The following FBXO22 variants were observed in gnomAD, a reference collection of about 807,000 sequenced individuals.
The protein encoded by FBXO22 is F-box only protein 22.
A neutral mutation model predicts 37.2 loss-of-function variants in FBXO22; 13 were observed. That is an observed-to-expected ratio of 0.35 (90% confidence interval 0.23 to 0.56). The LOEUF (loss-of-function observed/expected upper bound fraction) is 0.56. Ranked by LOEUF, FBXO22 falls within the 20% of genes least tolerant of loss-of-function variation. FBXO22 has a pLI of 0.87. For synonymous variants in FBXO22, 189 were observed against 189.1 expected (o/e 1.00, Z 0.00); for missense variants, 446 against 509.9 (o/e 0.87, Z 1.21).
chr15:75,930,244 T>G (rs1386426459), intron 6 of FBXO22, 195 bp downstream of exon 6: 10 of 1,432,368 alleles, frequency 7.0e-6, no homozygotes, highest in Admixed American at 2.9e-5. Flanking sequence ...TACATTTTTA[T>G]ATATATTGTC....
At chr15:75,926,649 G>A (rs998550736) in intron 5 of FBXO22, among the ~76,000 whole-genome samples, 7 of 152,164 alleles carry the variant, frequency 4.6e-5, no homozygotes, top group East Asian at 1.9e-4. Flanking sequence ...GGTTGAGGGC[G>A]TATCCGGGAA....
chr15:75,913,424 A>G, intron 3 of FBXO22, 134 bp downstream of exon 3: 1 of 567,724 alleles, frequency 1.8e-6, no homozygotes, highest in Middle Eastern at 4.8e-4. Context: ...GTATGCATCA[A>G]TATATCTATC....
chr15:75,921,386 GCA>G (rs1433010061), intron 5 of FBXO22, among the ~76,000 whole-genome samples: 1 of 152,132 alleles, frequency 6.6e-6, no homozygotes, highest in East Asian at 1.9e-4. Context: ...GTTTGGCCGG[GCA>G]CAGTGGCTCA....
At chr15:75,929,529 T>C (rs150766833) in intron 5 of FBXO22, among the ~76,000 whole-genome samples, 1,606 of 150,586 alleles carry the variant, frequency 0.011, 56 homozygotes, top group East Asian at 0.067. Context: ...TTTTTTTTTG[T>C]TCCCTACTGA....
rs1471912446 is a variant in FBXO22 at position 75,937,518 on chromosome 15, A to T, written c.*4416A>T. The stretch of plus-strand genomic sequence containing the variant: ...AGCAAGACTCTGTCTCAAAAAAAAA[A>T]AAAAAAAAAAAAAAGCAACTGTCTG... On this transcript the variant is annotated 3_prime_UTR_variant, in exon 7 of 7. Transcript: ENST00000308275. The T allele has an allele frequency of 1.0e-5, 1 of 99,026 alleles. No homozygotes were observed. Among genetic ancestry groups the T allele is most frequent in the African/African-American group, 4.5e-5 (1 of 22,216 alleles). The allele number at this position is 99,026 out of a possible 1,614,324, so 6.1% of individuals were successfully genotyped here.
At chr15:75,922,794 G>A (rs1900355477) in intron 5 of FBXO22, among the ~76,000 whole-genome samples, 1 of 152,140 alleles carries the variant, frequency 6.6e-6, no homozygotes, top group African/African-American at 2.4e-5. Flanking sequence ...GAGGACTAGG[G>A]AATGAATTGG....
At position 75,936,401 on chromosome 15, in the gene FBXO22, T is replaced by G. The variant is rs2030337051; in HGVS notation, c.*3299T>G. The G allele has an allele frequency of 6.6e-6, 1 of 152,204 alleles. No homozygotes were observed. The highest frequency in any genetic ancestry group is 1.5e-5 in the Non-Finnish European group (1 of 68,038). The allele number at this position is 152,204 out of a possible 1,614,324, so 9.4% of individuals were successfully genotyped here. A position where few individuals can be genotyped will look rare whatever the true frequency, so the allele number is the denominator to read the frequency against. On this transcript the variant is annotated 3_prime_UTR_variant, in exon 7 of 7. Transcript: ENST00000308275. ...AAGAATGTGATACCAGAAAGTTACT[T>G]TAATATTGACCCTATATAGGGAAGA...
chr15:75,932,969 A>G lies in FBXO22; in HGVS notation c.1079A>G (p.Asn360Ser). ...PSVPLFGFFG[N>S]GEIGCDRIVT... ...GTTCCCTTATTCGGCTTCTTTGGAA[A>G]TGGAGAAATTGGATGTGATCGGATA... is the stretch of plus-strand genomic sequence containing the variant. The change falls in exon 7 of 7, where the codon AAT becomes AGT. Residue 360 changes from asparagine (N) to serine (S), a missense_variant. By Grantham distance (46) the Asn-to-Ser change is conservative (BLOSUM62 1). Around this residue, in one of 2 missense-constraint regions of FBXO22, gnomAD observed 315 missense variants for 410.1 expected, o/e 0.77. Coordinates refer to ENST00000308275, the MANE Select transcript of FBXO22 (RefSeq NM_147188.3). 6.2e-7 allele frequency: 1 copy of G among 1,614,224 alleles called. No homozygotes were observed. Among genetic ancestry groups the G allele is most frequent in the South Asian group, 1.1e-5 (1 of 91,080 alleles).
intron 5 of FBXO22, among the ~76,000 whole-genome samples, chr15:75,918,321 GAA>G (rs1159069812): frequency 7.0e-4 from 97 of 139,460 alleles, no homozygotes; most frequent in African/African-American, 2.4e-3. Context: ...TGACAATGTG[GAA>G]AAAAAAAAAA....
chr15:75,904,264 C>T, intron 1 of FBXO22, 161 bp downstream of exon 1: 1 of 1,159,672 alleles, frequency 8.6e-7, no homozygotes, highest in Non-Finnish European at 1.2e-6. Context: ...TATCTCCCAG[C>T]CGTGGTGCCC....
Position 75,940,113 on chromosome 15 carries a change from A to G in FBXO22, c.*7011A>G, listed in dbSNP as rs1204359917. 8.7e-6 allele frequency: 1 copy of G among 115,544 alleles called. No individual in the cohort carries two copies. The highest frequency in any genetic ancestry group is 1.9e-5 in the Non-Finnish European group (1 of 51,480). 7.2% of individuals were successfully genotyped at this position (115,544 alleles called of 1,614,324 possible). ...TAGACAACCCGAAAGATTCCACACCAAAAAAAAAAAATAACTGTTAATTCA... is the reference window on the plus strand; with the variant it reads ...TAGACAACCCGAAAGATTCCACACCGAAAAAAAAAAATAACTGTTAATTCA... On this transcript the variant is annotated 3_prime_UTR_variant, in exon 7 of 7. Transcript: ENST00000308275.
Position 75,939,621 on chromosome 15 carries a change from C to T in FBXO22, c.*6519C>T, listed in dbSNP as rs1305586160. 1 of 152,096 alleles carries T rather than the reference C, an allele frequency of 6.6e-6. No homozygotes were observed. Among genetic ancestry groups the T allele is most frequent in the Non-Finnish European group, 1.5e-5 (1 of 67,986 alleles). 9.4% of individuals were successfully genotyped at this position (152,096 alleles called of 1,614,324 possible). A position where few individuals can be genotyped will look rare whatever the true frequency, so the allele number is the denominator to read the frequency against. On this transcript the variant is annotated 3_prime_UTR_variant, in exon 7 of 7. Coordinates refer to ENST00000308275, the MANE Select transcript of FBXO22 (RefSeq NM_147188.3). ...TTACAGACCAGTTATTCCTTATGAT[C>T]GCTGATTCAACAATTGTCAATACTA... is the stretch of plus-strand genomic sequence containing the variant.
intron 5 of FBXO22, among the ~76,000 whole-genome samples, chr15:75,924,937 C>T (rs1045054278): frequency 6.6e-6 from 1 of 152,160 alleles, no homozygotes; most frequent in African/African-American, 2.4e-5. Flanking sequence ...GTAACATTGC[C>T]TTTTGGGGCA....
chr15:75,910,087 G>A (rs1900020841), intron 2 of FBXO22, among the ~76,000 whole-genome samples: 1 of 152,176 alleles, frequency 6.6e-6, no homozygotes, highest in African/African-American at 2.4e-5. Flanking sequence ...CCCTGCAAAG[G>A]ACATGAGTGC....
Position 75,933,184 on chromosome 15 carries a change from A to C in FBXO22, c.*82A>C. 1.7e-6 allele frequency: 2 copies of C among 1,163,762 alleles called. No homozygotes were observed. Among genetic ancestry groups the C allele is most frequent in the East Asian group, 4.7e-5 (2 of 42,386 alleles). 72.1% of individuals were successfully genotyped at this position (1,163,762 alleles called of 1,614,324 possible). On this transcript the variant is annotated 3_prime_UTR_variant, in exon 7 of 7. Coordinates refer to ENST00000308275, the MANE Select transcript of FBXO22 (RefSeq NM_147188.3). ...GGAAACTTGGGCCATGTGTATTTCA[A>C]ACAAAAATAACTTTAGATATATCTT...
chr15:75,911,959 A>C (rs1595911928), intron 2 of FBXO22, among the ~76,000 whole-genome samples: 1 of 150,620 alleles, frequency 6.6e-6, no homozygotes, highest in East Asian at 1.9e-4. Context: ...GTTTATTGAG[A>C]GTTTTTAGCA....
chr15:75,919,486 T>G (rs1402134326), intron 5 of FBXO22, among the ~76,000 whole-genome samples: 3 of 152,242 alleles, frequency 2.0e-5, no homozygotes, highest in Non-Finnish European at 2.9e-5. Flanking sequence ...GATTGCAGGC[T>G]TGTAGCTACT....
chr15:75,910,701 C>T (rs1900033444), intron 2 of FBXO22, among the ~76,000 whole-genome samples: 1 of 152,258 alleles, frequency 6.6e-6, no homozygotes, highest in Admixed American at 6.5e-5. Context: ...AATTTTCTCC[C>T]ATTCTGTAGG....
rs1567059911 is a variant in FBXO22 at position 75,936,411 on chromosome 15, C to T, written c.*3309C>T. Reference sequence around the variant, plus strand: ...TACCAGAAAGTTACTTTAATATTGACCCTATATAGGGAAGAATAATCAAAT... The same window carrying T: ...TACCAGAAAGTTACTTTAATATTGATCCTATATAGGGAAGAATAATCAAAT... On this transcript the variant is annotated 3_prime_UTR_variant, in exon 7 of 7. Transcript: ENST00000308275. The T allele has an allele frequency of 6.6e-6, 1 of 152,076 alleles. No homozygotes were observed. 9.4% of individuals were successfully genotyped at this position (152,076 alleles called of 1,614,324 possible).
Sources: allele counts gnomAD v4.1 joint callset (sites outside exome capture counted in the v4.1 genomes callset), GRCh38; gene constraint gnomAD v4.1.1; regional missense constraint gnomAD v4.1.1; transcripts MANE v1.5; gene names NCBI Gene and HGNC (gene_info 2026-07-23, HGNC 2026-07-21).